Variants in GRK3 observed in about 807,000 individuals in gnomAD.
GRK3 encodes the protein adrenergic, beta, receptor kinase 2.
A neutral mutation model predicts 95.7 loss-of-function variants in GRK3; 54 were observed. That is an observed-to-expected ratio of 0.56 (90% confidence interval 0.45 to 0.71). GRK3 has a LOEUF of 0.71. Among genes scored for constraint, GRK3 ranks in the 30% least tolerant of loss-of-function variants. The pLI, the probability that GRK3 is intolerant of heterozygous loss-of-function variation, is 0.00. For synonymous variants in GRK3, 281 were observed against 290.8 expected, an observed-to-expected ratio of 0.97 and a Z score of 0.34; for missense variants, 649 against 851.2, an observed-to-expected ratio of 0.76 and a Z score of 2.96.
At chr22:25,578,765 C>T (rs1216145179) in intron 1 of GRK3, among the ~76,000 whole-genome samples, 3 of 152,090 alleles carry the variant, frequency 2.0e-5, no homozygotes, top group African/African-American at 7.2e-5. Flanking sequence ...CTTACAGCCT[C>T]CATGTGAGAC....
At chr22:25,686,562 G>A (rs879881688) in intron 10 of GRK3, among the ~76,000 whole-genome samples, 2 of 152,048 alleles carry the variant, frequency 1.3e-5, no homozygotes, top group Non-Finnish European at 2.9e-5. Context: ...TAATAAAGTT[G>A]GACACACATT....
rs1458125584 is a variant in GRK3 at position 25,722,422 on chromosome 22, T to A, written c.2039T>A (p.Leu680His). 6.2e-7 allele frequency: 1 copy of A among 1,614,104 alleles called. No homozygotes were observed. The highest frequency in any genetic ancestry group is 1.1e-5 in the South Asian group (1 of 91,064). Residue 680 changes from leucine to histidine, a missense_variant, in exon 21 of 21, where the codon CTC (leucine) becomes CAC (histidine). Transcript: ENST00000324198. The part of the protein sequence containing the change: ...SGTVELPKPS[L>H]CHRNSNGL Reference sequence around the variant, plus strand: ...ACTGTGGAGCTCCCAAAGCCATCCCTCTGTCACAGAAACAGCAACGGCCTC... The same window carrying A: ...ACTGTGGAGCTCCCAAAGCCATCCCACTGTCACAGAAACAGCAACGGCCTC...
chr22:25,727,467 C>G lies in GRK3; in HGVS notation c.*5017C>G, dbSNP rs552068026. ...TAACCACTCCTGCAGGCCCCCACAG[C>G]TGGCCCAAAGGGGCTGTCTTTCTGA... On this transcript the variant is annotated 3_prime_UTR_variant, in exon 21 of 21. Coordinates refer to ENST00000324198, the MANE Select transcript of GRK3 (RefSeq NM_005160.4). 2.5e-4 allele frequency: 38 copies of G among 152,366 alleles called. No homozygotes were observed. Among genetic ancestry groups the G allele is most frequent in the Admixed American group, 7.2e-4 (11 of 15,304 alleles). 9.4% of individuals were successfully genotyped at this position (152,366 alleles called of 1,614,324 possible).
chr22:25,665,175 G>A (rs2084933896), intron 5 of GRK3, among the ~76,000 whole-genome samples: 1 of 152,172 alleles, frequency 6.6e-6, no homozygotes, highest in African/African-American at 2.4e-5. Flanking sequence ...GTGCACACGG[G>A]TTGCTTTGTA....
intron 2 of GRK3, among the ~76,000 whole-genome samples, chr22:25,630,031 TC>T (rs1436122284): frequency 2.0e-5 from 3 of 152,226 alleles, no homozygotes; most frequent in Non-Finnish European, 4.4e-5. Context: ...CATAAATACT[TC>T]CTGGCTGATT....
chr22:25,695,071 A>G (rs1569199370), intron 12 of GRK3, 36 bp from the exon 13 acceptor site: 1 of 1,500,344 alleles, frequency 6.7e-7, no homozygotes, highest in Non-Finnish European at 9.3e-7. Context: ...TAAAGTGGGC[A>G]TGCTCTGATA....
chr22:25,680,994 C>T (rs2085069808), intron 9 of GRK3, among the ~76,000 whole-genome samples: 1 of 151,412 alleles, frequency 6.6e-6, no homozygotes, highest in South Asian at 2.1e-4. Context: ...CTACCCATCT[C>T]CCCAAAAGAC....
chr22:25,586,898 C>CT (rs59502085), intron 1 of GRK3, among the ~76,000 whole-genome samples: 1,470 of 146,674 alleles, frequency 0.01, 19 homozygotes, highest in African/African-American at 0.027. Flanking sequence ...CCCTTGCAAT[C>CT]TTTTTTTTTT....
At chr22:25,686,994 A>G (rs2045641034) in intron 10 of GRK3, among the ~76,000 whole-genome samples, 1 of 151,998 alleles carries the variant, frequency 6.6e-6, no homozygotes, top group South Asian at 2.1e-4. Context: ...TAATTTTTGT[A>G]TTTTTAATAG....
rs189209675 is a variant in GRK3, at chr22:25,698,791, T to C, written c.1160+3577T>C. On this transcript the variant is annotated intron_variant, in intron 13 of 20. Transcript: ENST00000324198. ...CCGAGACAGGAGGCAGGCAGAAGAA[T>C]GTGAGCAAAAGGCAGTGAGTTTGCG... Among the ~76,000 whole-genome samples the C allele has an allele frequency of 8.4e-4, 128 of 152,126 alleles. 1 individual carries two copies. The East Asian group carries it at 0.012, about 14-fold the overall frequency.
chr22:25,657,683 GT>G (rs2084882293), intron 3 of GRK3, among the ~76,000 whole-genome samples: 1 of 151,924 alleles, frequency 6.6e-6, no homozygotes, highest in Non-Finnish European at 1.5e-5. Context: ...AGTTTGCTGA[GT>G]TTCTTGAATC....
chr22:25,701,150 T>A (rs889648474), intron 13 of GRK3, among the ~76,000 whole-genome samples: 2 of 152,198 alleles, frequency 1.3e-5, no homozygotes, highest in African/African-American at 4.8e-5. Context: ...AGCCAGCATG[T>A]TGCATGGGAA....
intron 1 of GRK3, among the ~76,000 whole-genome samples, chr22:25,599,232 A>G (rs2084392207): frequency 1.3e-5 from 2 of 152,192 alleles, no homozygotes; most frequent in Admixed American, 6.5e-5. Flanking sequence ...AAAATTTAAA[A>G]CTTGTCCTTT....
At chr22:25,588,504 T>C (rs1932391562) in intron 1 of GRK3, among the ~76,000 whole-genome samples, 1 of 152,204 alleles carries the variant, frequency 6.6e-6, no homozygotes, top group Admixed American at 6.5e-5. Flanking sequence ...TAAGATTCTT[T>C]TACAGACTAC....
Position 25,694,975 on chromosome 22 carries a change from G to A in GRK3, c.1053-132G>A, listed in dbSNP as rs1241629631. 6 of 590,588 alleles carry A rather than the reference G, an allele frequency of 1.0e-5. No individual in the cohort carries two copies. In the East Asian group the frequency reaches 1.6e-4, roughly 16 times the overall value. The allele number at this position is 590,588 out of a possible 1,614,324, so 36.6% of individuals were successfully genotyped here. A position where few individuals can be genotyped will look rare whatever the true frequency, so the allele number is the denominator to read the frequency against. Reference sequence around the variant, plus strand: ...ATGTTCAGTGCATCACGTTTGCGGTGAAGCACAACTGTCCCCTCTCCTTTG... The same window carrying A: ...ATGTTCAGTGCATCACGTTTGCGGTAAAGCACAACTGTCCCCTCTCCTTTG... On this transcript the variant is annotated intron_variant, in intron 12 of 20. Transcript: ENST00000324198.
At chr22:25,657,758 G>A (rs550628591) in intron 3 of GRK3, among the ~76,000 whole-genome samples, 13 of 152,046 alleles carry the variant, frequency 8.6e-5, no homozygotes, top group Admixed American at 2.6e-4. Context: ...CTTCTTAAAG[G>A]ATTATTTTTC....
chr22:25,655,508 T>C (rs964481281), intron 3 of GRK3, among the ~76,000 whole-genome samples: 3 of 152,254 alleles, frequency 2.0e-5, no homozygotes, highest in East Asian at 3.8e-4. Context: ...TCTTCTGTGA[T>C]GGCTGACTCC....
intron 2 of GRK3, among the ~76,000 whole-genome samples, chr22:25,633,062 C>T (rs2084675176): frequency 6.6e-6 from 1 of 151,934 alleles, no homozygotes; most frequent in South Asian, 2.1e-4. Flanking sequence ...AGGCACCTGC[C>T]ACCAAGCCTG....
rs112155132 is a variant in GRK3, at chr22:25,709,622, A to G, written c.1329-276A>G. ...TGTGTGTGTGTGTGTGTGCGTGTGT[A>G]TATATATATCTGTGAAAATTTCTAG... On this transcript the variant is annotated intron_variant, in intron 15 of 20. Coordinates refer to ENST00000324198, the MANE Select transcript of GRK3 (RefSeq NM_005160.4). Among the ~76,000 whole-genome samples, 792 of 151,920 alleles carry G rather than the reference A, an allele frequency of 5.2e-3. 7 individuals are homozygous for G. Among genetic ancestry groups the G allele is most frequent in the African/African-American group, 0.019 (767 of 41,418 alleles).
Sources: allele counts gnomAD v4.1 joint callset (sites outside exome capture counted in the v4.1 genomes callset), GRCh38; gene constraint gnomAD v4.1.1; transcripts MANE v1.5; gene names NCBI Gene and HGNC (gene_info 2026-07-23, HGNC 2026-07-21).